Variants in ATP2B2 observed in about 807,000 individuals in gnomAD.
ATP2B2 encodes the protein ATPase plasma membrane Ca2+ transporting 2, also known as plasma membrane calcium-transporting ATPase 2.
Under a neutral mutation model 120.0 loss-of-function variants are expected in ATP2B2, and 15 were observed. The ratio of observed to expected loss-of-function variants is 0.12; its 90% CI spans 0.08 to 0.19. ATP2B2 has a LOEUF of 0.19. Among genes scored for constraint, ATP2B2 ranks in the 10% least tolerant of loss-of-function variants. ATP2B2 has a pLI of 1.00. For missense variants in ATP2B2, 1,045 were observed against 1,719.8 expected (o/e 0.61, Z 6.94); for synonymous variants, 694 against 700.3 (o/e 0.99, Z 0.14).
intron 2 of ATP2B2, among the ~76,000 whole-genome samples, chr3:10,561,001 C>T (rs6796050): frequency 0.13 from 19,991 of 152,140 alleles, 1,494 homozygotes; most frequent in South Asian, 0.26. Context: ...GAAAATCCTT[C>T]CGATCATCCA....
In ATP2B2 at chr3:10,329,039, A is replaced by G; in HGVS notation, c.3507T>C (p.Ala1169=). Residue 1169 remains alanine, a synonymous_variant, in exon 23 of 23, where the codon GCT becomes GCC. Transcript: ENST00000360273. The surrounding 1 kb of genome is among the most constrained non-coding windows in gnomAD (Gnocchi z 5.9). ...ESRTSIHNFM[A]HPEFRIEDSQ... is the part of the protein sequence containing the mutation. ...AATCTTCGATCCGGAATTCAGGATG[A>G]GCCATGAAGTTATGGATGGAGGTTC... The G allele has an allele frequency of 1.9e-6, 3 of 1,614,020 alleles. No individual in the cohort carries two copies. Among genetic ancestry groups the G allele is most frequent in the Non-Finnish European group, 2.5e-6 (3 of 1,180,026 alleles).
chr3:10,577,077 G>A (rs1278730466), intron 2 of ATP2B2, among the ~76,000 whole-genome samples: 1 of 144,068 alleles, frequency 6.9e-6, no homozygotes, highest in Non-Finnish European at 1.5e-5. Flanking sequence ...AAAAAAAGAA[G>A]CTGCCTGGGT....
intron 13 of ATP2B2, 76 bp from the exon 14 acceptor site, chr3:10,359,001 C>G (rs2060819825): frequency 1.5e-6 from 2 of 1,366,164 alleles, no homozygotes; most frequent in Non-Finnish European, 1.0e-6. Flanking sequence ...CCTCCCCACC[C>G]TCGTGATGCC....
chr3:10,704,918 T>C (rs1382232881), intron 1 of ATP2B2, among the ~76,000 whole-genome samples: 1 of 152,244 alleles, frequency 6.6e-6, no homozygotes, highest in African/African-American at 2.4e-5. Flanking sequence ...ATTTAATTTA[T>C]AATAAGCATA....
At chr3:10,520,474 C>A (rs1367785235) in intron 3 of ATP2B2, among the ~76,000 whole-genome samples, 2 of 151,594 alleles carry the variant, frequency 1.3e-5, no homozygotes, top group Non-Finnish European at 2.9e-5. Context: ...TATTCTTTTA[C>A]TTTTTTTTTG....
intron 2 of ATP2B2, among the ~76,000 whole-genome samples, chr3:10,442,857 A>G (rs958129344): frequency 6.6e-6 from 1 of 152,272 alleles, no homozygotes; most frequent in African/African-American, 2.4e-5. Flanking sequence ...TGCTTTGCAC[A>G]TATTACTTTA....
intron 1 of ATP2B2, among the ~76,000 whole-genome samples, chr3:10,502,631 C>T (rs2066440684): frequency 1.3e-5 from 2 of 152,220 alleles, no homozygotes; most frequent in Admixed American, 6.5e-5. Flanking sequence ...CATCTGTCTG[C>T]TTTGGCTTTC....
At chr3:10,606,162 T>C (rs975431908) in intron 2 of ATP2B2, among the ~76,000 whole-genome samples, 1 of 152,164 alleles carries the variant, frequency 6.6e-6, no homozygotes, top group Non-Finnish European at 1.5e-5. Flanking sequence ...GGACTCGGGT[T>C]GCTGTTTCCA....
chr3:10,380,486 G>A (rs540869375), intron 8 of ATP2B2, among the ~76,000 whole-genome samples: 2 of 152,238 alleles, frequency 1.3e-5, no homozygotes, highest in East Asian at 1.9e-4. Flanking sequence ...TCTAATCCTC[G>A]CCACAGCCTC....
intron 1 of ATP2B2, among the ~76,000 whole-genome samples, chr3:10,501,036 C>T (rs1356763815): frequency 2.0e-5 from 3 of 152,142 alleles, no homozygotes; most frequent in African/African-American, 7.2e-5. Flanking sequence ...GGCCTGGGAC[C>T]CAGCTCTCCT....
chr3:10,507,747 A>G (rs1388835943), upstream of ATP2B2, among the ~76,000 whole-genome samples: 3 of 152,244 alleles, frequency 2.0e-5, no homozygotes, highest in African/African-American at 7.2e-5. Context: ...CCTACAAAAC[A>G]GTAAATCATT....
chr3:10,457,415 A>G (rs1216978773), intron 1 of ATP2B2, among the ~76,000 whole-genome samples: 1 of 152,130 alleles, frequency 6.6e-6, no homozygotes, highest in Non-Finnish European at 1.5e-5. Context: ...TGCTGGTCTT[A>G]GAGTACGCCT....
At chr3:10,661,100 AAAT>A (rs773985087) in intron 1 of ATP2B2, among the ~76,000 whole-genome samples, 1 of 152,172 alleles carries the variant, frequency 6.6e-6, no homozygotes, top group Non-Finnish European at 1.5e-5. Flanking sequence ...ACTTATCTTA[AAAT>A]AATAAGAGCT....
intron 2 of ATP2B2, among the ~76,000 whole-genome samples, chr3:10,584,489 T>C (rs1049876124): frequency 6.6e-6 from 1 of 152,086 alleles, no homozygotes; most frequent in Non-Finnish European, 1.5e-5. Context: ...CTCACACCCA[T>C]GGGCGCTTCT....
intron 2 of ATP2B2, among the ~76,000 whole-genome samples, chr3:10,560,869 T>A (rs2067889369): frequency 6.6e-6 from 1 of 152,144 alleles, no homozygotes; most frequent in Non-Finnish European, 1.5e-5. Flanking sequence ...TCTCTTGTTC[T>A]CTAGGCTCCA....
intron 2 of ATP2B2, among the ~76,000 whole-genome samples, chr3:10,604,861 G>T (rs2069019379): frequency 6.6e-6 from 1 of 152,114 alleles, no homozygotes; most frequent in Non-Finnish European, 1.5e-5. Context: ...CGTGGGTGTG[G>T]GGCCTGTGGA....
chr3:10,444,219 C>T (rs898463092), intron 2 of ATP2B2, among the ~76,000 whole-genome samples: 13 of 152,216 alleles, frequency 8.5e-5, no homozygotes, highest in Admixed American at 6.5e-5. Context: ...TGGGGAGCCC[C>T]CACGCATGAC....
intron 1 of ATP2B2, among the ~76,000 whole-genome samples, chr3:10,661,050 C>G (rs1269570382): frequency 6.6e-6 from 1 of 152,188 alleles, no homozygotes; most frequent in Non-Finnish European, 1.5e-5. Flanking sequence ...TTCAACAGCC[C>G]TTCATGCTGA....
intron 1 of ATP2B2, among the ~76,000 whole-genome samples, chr3:10,633,221 A>G (rs2069918909): frequency 1.3e-5 from 2 of 152,224 alleles, no homozygotes; most frequent in African/African-American, 4.8e-5. Flanking sequence ...GCTGTCTTAT[A>G]GAATCGCTGT....
Sources: allele counts gnomAD v4.1 joint callset (sites outside exome capture counted in the v4.1 genomes callset), GRCh38; gene constraint gnomAD v4.1.1; non-coding constraint Gnocchi (gnomAD v3.1); transcripts MANE v1.5; gene names NCBI Gene and HGNC (gene_info 2026-07-23, HGNC 2026-07-21).